The following CLVS1 variants were observed in gnomAD, a reference collection of about 807,000 sequenced individuals.
The protein encoded by CLVS1 is clavesin 1, also known as clavesin-1.
A neutral mutation model predicts 33.1 loss-of-function variants in CLVS1; 10 were observed. That is an observed-to-expected ratio of 0.30 (90% CI 0.19 to 0.51). The LOEUF (loss-of-function observed/expected upper bound fraction) is 0.51. Among genes scored for constraint, CLVS1 ranks in the 20% least tolerant of loss-of-function variants. The pLI, the probability that CLVS1 is intolerant of heterozygous loss-of-function variation, is 0.97. For synonymous variants in CLVS1, 163 were observed against 166.1 expected, an observed-to-expected ratio of 0.98 and a Z score of 0.14; for missense variants, 343 against 433.4, an observed-to-expected ratio of 0.79 and a Z score of 1.85.
chr8:61,418,948 C>T lies in CLVS1; in HGVS notation c.631-35193C>T, dbSNP rs544028179. Among the ~76,000 whole-genome samples, 395 of 152,146 alleles carry T rather than the reference C, an allele frequency of 2.6e-3. 1 individual carries two copies. The highest frequency in any genetic ancestry group is 8.6e-3 in the African/African-American group (356 of 41,460). On this transcript the variant is annotated intron_variant, in intron 3 of 5. Coordinates refer to ENST00000325897, the MANE Select transcript of CLVS1 (RefSeq NM_173519.3). ...GGCTGGGGAAGAAGCGTGCCAGGAACACATTGTCCATGTTTGGCCCTAGAA... is the reference window on the plus strand; with the variant it reads ...GGCTGGGGAAGAAGCGTGCCAGGAATACATTGTCCATGTTTGGCCCTAGAA...
At chr8:61,130,816 G>T (rs544994119) in intron 1 of CLVS1, among the ~76,000 whole-genome samples, 2 of 152,176 alleles carry the variant, frequency 1.3e-5, no homozygotes, top group African/African-American at 4.8e-5. Context: ...GAAGATTGCT[G>T]CCAGAGGCTC....
the CLVS1 span, among the ~76,000 whole-genome samples, chr8:60,996,396 G>T: frequency 4.7e-4 from 71 of 152,288 alleles, 1 homozygote; most frequent in African/African-American, 1.6e-3. Flanking sequence ...TTACAAAATG[G>T]CTTTTCAGTA....
At chr8:61,196,696 G>A (rs192214439) in intron 2 of CLVS1, among the ~76,000 whole-genome samples, 5 of 152,290 alleles carry the variant, frequency 3.3e-5, no homozygotes, top group East Asian at 1.9e-4. Flanking sequence ...AGGAACAAAC[G>A]TGTTTGTGGA....
intron 2 of CLVS1, among the ~76,000 whole-genome samples, chr8:61,308,031 C>A (rs1810692621): frequency 6.6e-6 from 1 of 152,324 alleles, no homozygotes; most frequent in Non-Finnish European, 1.5e-5. Flanking sequence ...CAACTTGGCT[C>A]AGAGCAGCAC....
intron 2 of CLVS1, among the ~76,000 whole-genome samples, chr8:61,354,605 T>TA (rs1447046323): frequency 3.3e-5 from 5 of 152,020 alleles, no homozygotes; most frequent in African/African-American, 2.4e-5. Flanking sequence ...GTAAAATGGC[T>TA]AAAAAAACTG....
At chr8:61,202,809 G>A in intron 2 of CLVS1, 1 of 1,312,704 alleles carries the variant, frequency 7.6e-7, no homozygotes, top group Middle Eastern at 2.5e-4. Context: ...AGCTTCCACA[G>A]AAAAAAGTAA....
At chr8:61,340,609 A>G (rs1210379229) in intron 2 of CLVS1, among the ~76,000 whole-genome samples, 5 of 152,172 alleles carry the variant, frequency 3.3e-5, no homozygotes, top group Non-Finnish European at 7.3e-5. Flanking sequence ...AGTTGATTCC[A>G]TGTCTTGGCT....
At chr8:61,411,784 C>A (rs563513090) in intron 3 of CLVS1, among the ~76,000 whole-genome samples, 5 of 152,302 alleles carry the variant, frequency 3.3e-5, no homozygotes, top group Non-Finnish European at 2.9e-5. Context: ...TAGTTCAGGG[C>A]TGTCATGCAG....
intron 5 of CLVS1, among the ~76,000 whole-genome samples, chr8:61,483,109 G>T (rs575518286): frequency 6.6e-6 from 1 of 152,124 alleles, no homozygotes; most frequent in Non-Finnish European, 1.5e-5. Context: ...AACTGAAGGC[G>T]ATAGAGACAC....
At chr8:61,446,930 G>C (rs551184313) in intron 3 of CLVS1, among the ~76,000 whole-genome samples, 1 of 150,648 alleles carries the variant, frequency 6.6e-6, no homozygotes, top group Admixed American at 6.6e-5. Context: ...TTTCTAGTTT[G>C]ATTCCATTAT....
chr8:61,056,226 C>T (rs1229319800), upstream of CLVS1, among the ~76,000 whole-genome samples: 1 of 152,116 alleles, frequency 6.6e-6, no homozygotes, highest in Non-Finnish European at 1.5e-5. Flanking sequence ...CAACAGTGGC[C>T]AAGTTCTTAC....
chr8:61,191,328 C>T (rs1284658968), intron 2 of CLVS1, among the ~76,000 whole-genome samples: 1 of 152,156 alleles, frequency 6.6e-6, no homozygotes, highest in African/African-American at 2.4e-5. Flanking sequence ...TTCAACAGCG[C>T]TTCATGCTAA....
At chr8:61,103,360 T>G (rs1805483816) in intron 1 of CLVS1, among the ~76,000 whole-genome samples, 1 of 152,254 alleles carries the variant, frequency 6.6e-6, no homozygotes, top group Admixed American at 6.5e-5. Flanking sequence ...TATTGATTTA[T>G]GATTAACTTG....
the CLVS1 span, among the ~76,000 whole-genome samples, chr8:60,967,333 G>A: frequency 6.6e-6 from 1 of 152,156 alleles, no homozygotes; most frequent in Admixed American, 6.5e-5. Context: ...AGGTGCATGA[G>A]AATTAAAAAC....
At chr8:61,354,381 G>A (rs542003771) in intron 2 of CLVS1, among the ~76,000 whole-genome samples, 1 of 152,050 alleles carries the variant, frequency 6.6e-6, no homozygotes, top group South Asian at 2.1e-4. Flanking sequence ...ATGTAAAATA[G>A]TGTCATCTTT....
intron 2 of CLVS1, among the ~76,000 whole-genome samples, chr8:61,369,992 G>A (rs993272548): frequency 6.6e-6 from 1 of 152,160 alleles, no homozygotes; most frequent in Non-Finnish European, 1.5e-5. Flanking sequence ...TTTGGAAGAA[G>A]TTTCAAATGA....
chr8:61,127,849 A>G (rs1360538527), intron 1 of CLVS1, among the ~76,000 whole-genome samples: 1 of 152,216 alleles, frequency 6.6e-6, no homozygotes, highest in Non-Finnish European at 1.5e-5. Context: ...GACAAATACT[A>G]CTAGCATTCT....
intron 2 of CLVS1, among the ~76,000 whole-genome samples, chr8:61,279,284 A>G (rs1296344606): frequency 1.3e-5 from 2 of 152,188 alleles, no homozygotes; most frequent in Non-Finnish European, 2.9e-5. Context: ...GGCGAAGGCC[A>G]TTCTTGGCCA....
intron 2 of CLVS1, among the ~76,000 whole-genome samples, chr8:61,165,366 C>G (rs773193386): frequency 7.2e-5 from 11 of 152,206 alleles, no homozygotes; most frequent in Non-Finnish European, 1.6e-4. Flanking sequence ...AGCTCCCATA[C>G]AAGGGGAGGG....
Sources: gnomAD v4.1 joint callset for allele counts (sites outside exome capture counted in the v4.1 genomes callset) on GRCh38, gnomAD v4.1.1 for gene constraint, MANE v1.5 for transcripts, NCBI Gene and HGNC (gene_info 2026-07-23, HGNC 2026-07-21) for gene names.